The following DGKK variants were observed in gnomAD, a reference collection of about 807,000 sequenced individuals.
DGKK encodes the protein diacylglycerol kinase kappa.
DGKK carries 35 observed loss-of-function variants against 92.2 expected under a neutral mutation model. That is an observed-to-expected ratio of 0.38 (90% confidence interval 0.29 to 0.50). The LOEUF is 0.50. Ranked by LOEUF, DGKK falls within the 20% of genes least tolerant of loss-of-function variation. DGKK has a pLI of 0.92. For missense variants in DGKK, 910 were observed against 992.2 expected, an observed-to-expected ratio of 0.92 and a Z score of 1.11; for synonymous variants, 368 against 360.6, an observed-to-expected ratio of 1.02 and a Z score of -0.23.
intron 2 of DGKK, among the ~76,000 whole-genome samples, chrX:50,422,749 C>A (rs2147137239): frequency 9.0e-6 from 1 of 111,521 alleles, no homozygotes; most frequent in Non-Finnish European, 1.9e-5. Flanking sequence ...AAAATGAAAT[C>A]AAAATAAACT....
intron 1 of DGKK, among the ~76,000 whole-genome samples, chrX:50,469,360 A>G (rs1557234269): frequency 8.9e-6 from 1 of 112,685 alleles, no homozygotes; most frequent in East Asian, 2.8e-4. Context: ...CTGCAGACAG[A>G]TGGAATGGTG....
intron 4 of DGKK, among the ~76,000 whole-genome samples, chrX:50,409,300 C>T (rs1408314866): frequency 2.3e-4 from 24 of 104,500 alleles, no homozygotes; most frequent in African/African-American, 8.7e-4. Context: ...CAGCAACCAC[C>T]AGAAGCTAGG....
chrX:50,376,922 G>C lies in DGKK; in HGVS notation c.3112-4C>G, dbSNP rs1924290616. ...TTTTCATTGAGTTCTCAAAGTCCTG[G>C]AGATGAATACAGTGGCATATCCTAA... On this transcript the variant is annotated splice_region_variant and splice_polypyrimidine_tract_variant and intron_variant, in intron 22 of 27. Transcript: ENST00000611977. 1.7e-6 allele frequency: 2 copies of C among 1,189,856 alleles called. No individual in the cohort carries two copies. Among genetic ancestry groups the C allele is most frequent in the South Asian group, 1.9e-5 (1 of 51,741 alleles).
chrX:50,376,775 T>C lies in DGKK; in HGVS notation c.3255A>G (p.Ala1085=). ...CCACTTACTTGCTGATGAGGTTTTC[T>C]GCAAGCCGAGCTAAGTGCTGCATCT... is the stretch of plus-strand genomic sequence containing the variant. ...YAQMQHLARL[A]ENLISKLNDL... is the part of the protein sequence containing the mutation. The change falls in exon 23 of 28, where the codon GCA becomes GCG. Residue 1085 remains alanine (A), a synonymous_variant. Transcript: ENST00000611977. 8.4e-7 allele frequency: 1 copy of C among 1,193,935 alleles called. No homozygotes were observed. Among genetic ancestry groups the C allele is most frequent in the South Asian group, 1.9e-5 (1 of 53,016 alleles).
At position 50,439,182 on chromosome X, in the gene DGKK, T is replaced by G. The variant is rs1159120064; in HGVS notation, c.646-14824A>C. Among the ~76,000 whole-genome samples the G allele has an allele frequency of 8.1e-5, 9 of 111,726 alleles. No homozygotes were observed. The Admixed American group carries it at 8.6e-4, about 11-fold the overall frequency. ...ATTCATTTTTCTATCAATTGGCTCC[T>G]AAAGGCCAGTCACTATTGGAAGAAA... On this transcript the variant is annotated intron_variant, in intron 1 of 27. Coordinates refer to ENST00000611977, the MANE Select transcript of DGKK (RefSeq NM_001013742.4).
At position 50,367,069 on chromosome X, in the gene DGKK, G is replaced by A. The variant is rs1272204760; in HGVS notation, c.*1871C>T. ...ATATTTTTCTCCTCACCCCTGCGGA[G>A]GTGGAGCACAGGTGGCTGGTTTAAG... On this transcript the variant is annotated 3_prime_UTR_variant, in exon 28 of 28. Transcript: ENST00000611977. 8.9e-6 allele frequency: 1 copy of A among 112,249 alleles called. No individual in the cohort carries two copies. Among genetic ancestry groups the A allele is most frequent in the Non-Finnish European group, 1.9e-5 (1 of 53,294 alleles). The allele number at this position is 112,249 out of a possible 1,213,427, so 9.3% of individuals were successfully genotyped here.
At chrX:50,469,706 C>T (rs1384862882) in intron 1 of DGKK, among the ~76,000 whole-genome samples, 1 of 112,979 alleles carries the variant, frequency 8.9e-6, no homozygotes, top group Non-Finnish European at 1.9e-5. Context: ...TCTTGCGCTC[C>T]CCGAGGGTAT....
At chrX:50,439,805 G>A (rs1926123232) in intron 1 of DGKK, among the ~76,000 whole-genome samples, 1 of 111,086 alleles carries the variant, frequency 9.0e-6, no homozygotes, top group Admixed American at 9.6e-5. Flanking sequence ...ATTTATGTCT[G>A]TGCAAGAATT....
At chrX:50,402,394 G>A (rs1304312714) in intron 7 of DGKK, among the ~76,000 whole-genome samples, 1 of 111,676 alleles carries the variant, frequency 9.0e-6, no homozygotes, top group Non-Finnish European at 1.9e-5. Context: ...CTCCAGCCTG[G>A]GCGGCATAGT....
At chrX:50,387,218 A>G (rs1557225044) in intron 14 of DGKK, among the ~76,000 whole-genome samples, 1 of 111,968 alleles carries the variant, frequency 8.9e-6, no homozygotes, top group African/African-American at 3.2e-5. Context: ...AGAGAGGTAA[A>G]TGTGAATGTA....
chrX:50,370,651 C>T (rs782673050), intron 26 of DGKK, 102 bp from the exon 27 acceptor site: 273 of 908,843 alleles, frequency 3.0e-4, no homozygotes, highest in Non-Finnish European at 4.0e-4. Context: ...CTACAGAGAA[C>T]AGGGAGATCT....
chrX:50,376,918 C>T lies in DGKK; in HGVS notation c.3112G>A (p.Asp1038Asn), dbSNP rs1557223922. ...CACATTTTCATTGAGTTCTCAAAGT[C>T]CTGGAGATGAATACAGTGGCATATC... ...NAAQMLTRDR[D>N]FENSMKMWEY... Residue 1038 changes from aspartate to asparagine, a missense_variant and splice_region_variant, in exon 23 of 28, where the codon GAC becomes AAC. Physicochemically the swap from Asp to Asn is conservative, Grantham distance 23 (BLOSUM62 1). Coordinates refer to ENST00000611977, the MANE Select transcript of DGKK (RefSeq NM_001013742.4). The T allele has an allele frequency of 8.4e-7, 1 of 1,190,485 alleles. No individual in the cohort carries two copies. The highest frequency in any genetic ancestry group is 3.0e-5 in the East Asian group (1 of 33,465).
intron 8 of DGKK, among the ~76,000 whole-genome samples, 192 bp downstream of exon 8, chrX:50,400,845 C>T (rs191869232): frequency 1.4e-3 from 155 of 111,222 alleles, no homozygotes; most frequent in African/African-American, 4.8e-3. Flanking sequence ...CATACATATA[C>T]ACCAGAAAGA....
At chrX:50,392,678 A>G (rs1387588708) in intron 9 of DGKK, among the ~76,000 whole-genome samples, 4 of 112,379 alleles carry the variant, frequency 3.6e-5, no homozygotes, top group Non-Finnish European at 7.5e-5. Context: ...AAACACTAGT[A>G]ACCTAAACAG....
intron 1 of DGKK, among the ~76,000 whole-genome samples, chrX:50,440,460 T>G (rs184598464): frequency 1.8e-5 from 2 of 111,866 alleles, no homozygotes; most frequent in Non-Finnish European, 3.8e-5. Flanking sequence ...AATTATATAC[T>G]ACGTAACAGC....
At chrX:50,377,688 G>T (rs1188830935) in intron 22 of DGKK, among the ~76,000 whole-genome samples, 1 of 112,173 alleles carries the variant, frequency 8.9e-6, no homozygotes, top group Non-Finnish European at 1.9e-5. Context: ...GACACCTAAA[G>T]ACCATGTTCA....
At chrX:50,420,633 A>C (rs782210561) in intron 3 of DGKK, 126 bp from the exon 4 acceptor site, 58 of 520,877 alleles carry the variant, frequency 1.1e-4, no homozygotes, top group Non-Finnish European at 1.6e-4. Context: ...CTTGAATATA[A>C]GACAGACATT....
intron 25 of DGKK, 59 bp downstream of exon 25, chrX:50,374,912 C>CCATGA: frequency 9.4e-7 from 1 of 1,059,119 alleles, no homozygotes; most frequent in East Asian, 3.1e-5. Context: ...AAGCACAAGA[C>CCATGA]CATGACCATG....
intron 15 of DGKK, 23 bp downstream of exon 15, chrX:50,386,335 C>T (rs782502683): frequency 1.8e-5 from 21 of 1,156,036 alleles, no homozygotes; most frequent in Non-Finnish European, 2.2e-5. Context: ...CTACCTCAGT[C>T]ACTACAACCC....
Sources: gnomAD v4.1 joint callset for allele counts (sites outside exome capture counted in the v4.1 genomes callset) on GRCh38, gnomAD v4.1.1 for gene constraint, MANE v1.5 for transcripts, NCBI Gene and HGNC (gene_info 2026-07-23, HGNC 2026-07-21) for gene names.